Variants in RARRES1 observed in about 807,000 individuals in gnomAD.
The protein encoded by RARRES1 is retinoic acid receptor responder protein 1.
RARRES1 carries 34 observed loss-of-function variants against 30.6 expected under a neutral mutation model. That is an observed-to-expected ratio of 1.11 (90% CI 0.84 to 1.48). RARRES1 has a LOEUF of 1.48. Among genes scored for constraint, RARRES1 ranks in the 40% most tolerant of loss-of-function variants. RARRES1 has a pLI of 0.00. For missense variants in RARRES1, 373 were observed against 386.5 expected (o/e 0.97, Z 0.29); for synonymous variants, 153 against 155.5 (o/e 0.98, Z 0.12).
At chr3:158,724,132 T>TAGCAAGGCTGCAGAGGTC (rs1361167916) in intron 1 of RARRES1, among the ~76,000 whole-genome samples, 16 of 152,180 alleles carry the variant, frequency 1.1e-4, no homozygotes, top group African/African-American at 3.9e-4. Flanking sequence ...CATGTGAGGT[T>TAGCAAGGCTGCAGAGGTC]AGCAAGGCTG....
At chr3:158,705,352 T>C (rs776105307) in intron 3 of RARRES1, among the ~76,000 whole-genome samples, 2 of 152,216 alleles carry the variant, frequency 1.3e-5, no homozygotes, top group Non-Finnish European at 2.9e-5. Context: ...CTTCCAACTG[T>C]CGCACACCTA....
Position 158,713,873 on chromosome 3 carries a change from A to G in RARRES1, c.277-14T>C, listed in dbSNP as rs1273440533. ...TTTTGGATTAATCTGGAACACAGAA[A>G]CTGAATCTTAGTATAGTAGAAGCTC... On this transcript the variant is annotated splice_polypyrimidine_tract_variant and intron_variant, in intron 1 of 5. Coordinates refer to ENST00000237696, the MANE Select transcript of RARRES1 (RefSeq NM_206963.2). The G allele has an allele frequency of 1.9e-6, 3 of 1,609,584 alleles. No individual in the cohort carries two copies. The highest frequency in any genetic ancestry group is 2.6e-6 in the Non-Finnish European group (3 of 1,176,040).
intron 4 of RARRES1, chr3:158,704,588 G>T: frequency 3.0e-6 from 2 of 664,854 alleles, no homozygotes; most frequent in Middle Eastern, 4.4e-4. Context: ...TCTCAATGAG[G>T]GCAGCAACAT....
At chr3:158,701,566 G>A (rs951745403) in intron 4 of RARRES1, among the ~76,000 whole-genome samples, 1 of 152,068 alleles carries the variant, frequency 6.6e-6, no homozygotes, top group Admixed American at 6.5e-5. Context: ...GTCACTTCCT[G>A]CCTCCGTGCC....
intron 3 of RARRES1, among the ~76,000 whole-genome samples, chr3:158,708,809 G>A (rs183522667): frequency 2.8e-4 from 42 of 152,198 alleles, no homozygotes; most frequent in African/African-American, 1.0e-3. Flanking sequence ...TGGGACTACA[G>A]GCGCATGCCA....
At chr3:158,705,079 GT>G in intron 3 of RARRES1, 152 bp from the exon 4 acceptor site, 2 of 1,075,242 alleles carry the variant, frequency 1.9e-6, no homozygotes, top group Non-Finnish European at 2.6e-6. Flanking sequence ...GTTTGTATCT[GT>G]TTCTATGTTA....
chr3:158,707,085 C>T (rs1726947865), intron 3 of RARRES1, among the ~76,000 whole-genome samples: 1 of 152,178 alleles, frequency 6.6e-6, no homozygotes, highest in Admixed American at 6.5e-5. Flanking sequence ...AGGAGAATCG[C>T]TTGAACCCAG....
At chr3:158,701,029 A>G (rs1726704361) in intron 4 of RARRES1, among the ~76,000 whole-genome samples, 1 of 152,196 alleles carries the variant, frequency 6.6e-6, no homozygotes, top group Admixed American at 6.5e-5. Context: ...GGTAGATAGG[A>G]TGGTTTCTAT....
At chr3:158,703,401 T>C (rs1726800810) in intron 4 of RARRES1, among the ~76,000 whole-genome samples, 1 of 152,130 alleles carries the variant, frequency 6.6e-6, no homozygotes, top group Non-Finnish European at 1.5e-5. Context: ...CATATAAACA[T>C]GCTGTTATGT....
chr3:158,720,773 C>T (rs1248472874), intron 1 of RARRES1, among the ~76,000 whole-genome samples: 2 of 152,134 alleles, frequency 1.3e-5, no homozygotes, highest in Non-Finnish European at 2.9e-5. Context: ...AAATGGTGGT[C>T]TTCCTCTGAG....
intron 1 of RARRES1, among the ~76,000 whole-genome samples, chr3:158,715,947 C>T (rs1455655364): frequency 6.6e-6 from 1 of 152,180 alleles, no homozygotes; most frequent in Admixed American, 6.5e-5. Context: ...CCGCAAACAA[C>T]TAACACTCAG....
chr3:158,730,181 G>A (rs1030828657), intron 1 of RARRES1, among the ~76,000 whole-genome samples: 5 of 151,932 alleles, frequency 3.3e-5, no homozygotes, highest in Admixed American at 2.0e-4. Flanking sequence ...TTAGCCAGGC[G>A]TGGTGGCACG....
At chr3:158,720,162 C>T (rs546137382) in intron 1 of RARRES1, among the ~76,000 whole-genome samples, 24 of 151,696 alleles carry the variant, frequency 1.6e-4, no homozygotes, top group Non-Finnish European at 2.6e-4. Flanking sequence ...TCCCAAATAC[C>T]GCACAGGACT....
In RARRES1 at chr3:158,710,762, G is replaced by A. The variant is rs1283962025; in HGVS notation, c.511C>T (p.Pro171Ser). 1 of 1,611,992 alleles carries A rather than the reference G, an allele frequency of 6.2e-7. No individual in the cohort carries two copies. Among genetic ancestry groups the A allele is most frequent in the South Asian group, 1.1e-5 (1 of 91,026 alleles). The change falls in exon 3 of 6, where the codon CCC becomes TCC. Residue 171 changes from proline (P) to serine (S), a missense_variant. Coordinates refer to ENST00000237696, the MANE Select transcript of RARRES1 (RefSeq NM_206963.2). ...LYKQMKQLKNPLEIVSIPDNH... is the reference protein window; with the variant it reads ...LYKQMKQLKNSLEIVSIPDNH... ...CCAGGTATGCTGACTATTTCCAAGGGGTTTTTCAGTTGCTTCATTTGCTTG... is the reference window on the plus strand; with the variant it reads ...CCAGGTATGCTGACTATTTCCAAGGAGTTTTTCAGTTGCTTCATTTGCTTG...
rs1045709610 is a variant in RARRES1, at chr3:158,714,249, C to G, written c.277-390G>C. Among the ~76,000 whole-genome samples, 3 of 152,212 alleles carry G rather than the reference C, an allele frequency of 2.0e-5. No homozygotes were observed. The East Asian group carries it at 5.8e-4, about 29-fold the overall frequency. On this transcript the variant is annotated intron_variant, in intron 1 of 5. Coordinates refer to ENST00000237696, the MANE Select transcript of RARRES1 (RefSeq NM_206963.2). Reference sequence around the variant, plus strand: ...AGCGAGCAGGACTGACGAGGACTTGCCCTCCTGCCACCCATAGCCCAATGG... The same window carrying G: ...AGCGAGCAGGACTGACGAGGACTTGGCCTCCTGCCACCCATAGCCCAATGG...
intron 2 of RARRES1, 64 bp downstream of exon 2, chr3:158,713,732 CT>C (rs1727222811): frequency 6.8e-7 from 1 of 1,461,174 alleles, no homozygotes; most frequent in African/African-American, 1.4e-5. Context: ...AAGATTCTCA[CT>C]TTTTTACAAA....
intron 2 of RARRES1, 61 bp downstream of exon 2, chr3:158,713,736 T>C (rs948243987): frequency 1.5e-5 from 22 of 1,478,376 alleles, no homozygotes; most frequent in Non-Finnish European, 2.0e-5. Flanking sequence ...TTCTCACTTT[T>C]TTACAAAGCC....
intron 3 of RARRES1, among the ~76,000 whole-genome samples, chr3:158,710,401 G>T (rs1018128443): frequency 1.6e-4 from 25 of 152,018 alleles, no homozygotes; most frequent in Admixed American, 3.3e-4. Flanking sequence ...GTAGAGACGG[G>T]GTTTCACCGT....
At chr3:158,715,879 G>A (rs1727305346) in intron 1 of RARRES1, among the ~76,000 whole-genome samples, 1 of 152,184 alleles carries the variant, frequency 6.6e-6, no homozygotes, top group Non-Finnish European at 1.5e-5. Context: ...ACCTGCCAAT[G>A]TGGGAGGAAC....
Sources: allele counts gnomAD v4.1 joint callset (sites outside exome capture counted in the v4.1 genomes callset), GRCh38; gene constraint gnomAD v4.1.1; transcripts MANE v1.5; gene names NCBI Gene and HGNC (gene_info 2026-07-23, HGNC 2026-07-21).